GRIK3: variants seen among roughly 807,000 people sequenced by gnomAD.
GRIK3 encodes the protein glutamate ionotropic receptor kainate type subunit 3, also known as glutamate receptor ionotropic, kainate 3.
Under a neutral mutation model 102.5 loss-of-function variants are expected in GRIK3, and 29 were observed. That is an observed-to-expected ratio of 0.28 (90% CI 0.21 to 0.39). The LOEUF (loss-of-function observed/expected upper bound fraction) is 0.39. GRIK3 is among the 10% of genes least tolerant of loss of function. The pLI is 1.00. For synonymous variants in GRIK3, 511 were observed against 504.9 expected, an observed-to-expected ratio of 1.01 and a Z score of -0.16; for missense variants, 908 against 1,252.4, an observed-to-expected ratio of 0.73 and a Z score of 4.15.
At chr1:36,877,918 G>A (rs1640927539) in intron 3 of GRIK3, among the ~76,000 whole-genome samples, 1 of 152,186 alleles carries the variant, frequency 6.6e-6, no homozygotes, top group Non-Finnish European at 1.5e-5. Flanking sequence ...AATTATGTGT[G>A]ACCTCTGGGC....
chr1:36,900,852 T>C (rs537967112), intron 1 of GRIK3, among the ~76,000 whole-genome samples: 5 of 152,036 alleles, frequency 3.3e-5, no homozygotes, highest in African/African-American at 9.7e-5. Flanking sequence ...ATTGTTAGTA[T>C]CAGAAGTGAA....
Position 36,843,022 on chromosome 1 carries a change from T to C in GRIK3, c.1327-1083A>G, listed in dbSNP as rs1156882216. Among the ~76,000 whole-genome samples, 4 of 152,056 alleles carry C rather than the reference T, an allele frequency of 2.6e-5. No individual in the cohort carries two copies. The East Asian group carries it at 7.7e-4, about 29-fold the overall frequency. ...CCTCCACCTGCCACAGGCTTCTTTC[T>C]TTCTGGGTGATAGGGAGCCTGGGAC... On this transcript the variant is annotated intron_variant, in intron 9 of 15. Coordinates refer to ENST00000373091, the MANE Select transcript of GRIK3 (RefSeq NM_000831.4).
intron 11 of GRIK3, among the ~76,000 whole-genome samples, chr1:36,822,581 G>T (rs1266218121): frequency 6.6e-6 from 1 of 152,190 alleles, no homozygotes; most frequent in Admixed American, 6.5e-5. Context: ...CCAGTCTTGA[G>T]AGTAAATAGG....
chr1:36,903,690 A>G (rs1641255208), intron 1 of GRIK3, among the ~76,000 whole-genome samples: 1 of 152,250 alleles, frequency 6.6e-6, no homozygotes, highest in Non-Finnish European at 1.5e-5. Flanking sequence ...TTAAGTGCCT[A>G]TCACTAAGCG....
At chr1:36,988,422 G>A (rs1642328993) in intron 1 of GRIK3, among the ~76,000 whole-genome samples, 3 of 152,270 alleles carry the variant, frequency 2.0e-5, no homozygotes, top group Admixed American at 2.0e-4. Context: ...TGGGGCAGCA[G>A]GAAGAAGCAT....
intron 1 of GRIK3, among the ~76,000 whole-genome samples, chr1:36,949,142 C>T (rs1641815165): frequency 6.6e-6 from 1 of 152,238 alleles, no homozygotes; most frequent in African/African-American, 2.4e-5. Context: ...CAGGACCTGC[C>T]TGGCTCCACA....
At chr1:36,840,385 C>T (rs999623919) in intron 10 of GRIK3, among the ~76,000 whole-genome samples, 1 of 151,826 alleles carries the variant, frequency 6.6e-6, no homozygotes, top group African/African-American at 2.4e-5. Flanking sequence ...TTTAATTCCC[C>T]CAACAACCAC....
intron 1 of GRIK3, among the ~76,000 whole-genome samples, chr1:36,964,656 G>A (rs1272172011): frequency 6.6e-6 from 1 of 152,162 alleles, no homozygotes; most frequent in East Asian, 1.9e-4. Context: ...GAAGTGACTT[G>A]CCCAAGACCA....
At chr1:36,818,124 T>C (rs931962132) in intron 12 of GRIK3, among the ~76,000 whole-genome samples, 2 of 152,226 alleles carry the variant, frequency 1.3e-5, no homozygotes, top group South Asian at 2.1e-4. Context: ...TATGATGTTT[T>C]TTTTTCTCAA....
At chr1:37,013,824 T>C (rs1642624065) in intron 1 of GRIK3, among the ~76,000 whole-genome samples, 1 of 152,222 alleles carries the variant, frequency 6.6e-6, no homozygotes, top group Admixed American at 6.5e-5. Flanking sequence ...GGCTGGCCTG[T>C]GCCTCAGACC....
In GRIK3 at chr1:36,898,128, G is replaced by A. The variant is rs531089557; in HGVS notation, c.116-7032C>T. Among the ~76,000 whole-genome samples the A allele has an allele frequency of 1.5e-3, 229 of 152,196 alleles. 1 individual carries two copies. Among genetic ancestry groups the A allele is most frequent in the African/African-American group, 5.2e-3 (216 of 41,528 alleles). On this transcript the variant is annotated intron_variant, in intron 1 of 15. Transcript: ENST00000373091. ...AAGGATGGTAACCAGAGGCTGGGAA[G>A]GGTAGTGGTAGGCTGGGTGGGGGGA...
chr1:36,801,867 G>T lies in GRIK3; in HGVS notation c.2744C>A (p.Ala915Asp), dbSNP rs746973076. The T allele has an allele frequency of 1.1e-5, 18 of 1,608,538 alleles. No individual in the cohort carries two copies. The highest frequency in any genetic ancestry group is 2.2e-5 in the South Asian group (2 of 89,904). Residue 915 changes from alanine to aspartate, a missense_variant, in exon 16 of 16, where the codon GCC (alanine) becomes GAC (aspartate). Around this residue, in one of 3 missense-constraint regions of GRIK3, gnomAD observed 297 missense variants for 362.7 expected, o/e 0.82. Coordinates refer to ENST00000373091, the MANE Select transcript of GRIK3 (RefSeq NM_000831.4). ...KDSMACSTSL[A>D]PVFP ...CAGCTGTGCCTAGGGGAACACAGGG[G>T]CTAAGGATGTGCTGCAGGCCATGCT...
chr1:36,865,077 G>A (rs947974499), intron 5 of GRIK3, among the ~76,000 whole-genome samples: 3 of 152,180 alleles, frequency 2.0e-5, no homozygotes, highest in Non-Finnish European at 2.9e-5. Context: ...GGAAAACATC[G>A]CCTTAAGGAA....
chr1:36,853,366 T>G (rs1557703039), intron 8 of GRIK3, among the ~76,000 whole-genome samples: 1 of 152,162 alleles, frequency 6.6e-6, no homozygotes, highest in South Asian at 2.1e-4. Flanking sequence ...TGACCCTTAC[T>G]CACAGAGTGA....
chr1:36,897,840 A>G lies in GRIK3; in HGVS notation c.116-6744T>C, dbSNP rs183921886. 3.7e-4 allele frequency among the ~76,000 whole-genome samples: 57 copies of G among 152,316 alleles called. 1 individual carries two copies. The highest frequency in any genetic ancestry group is 1.5e-5 in the Non-Finnish European group (1 of 68,016). ...CAGTATATTGAATAGATATCTGCACACCTATGTTTGTTGCAGCACTGTTCA... is the reference window on the plus strand; with the variant it reads ...CAGTATATTGAATAGATATCTGCACGCCTATGTTTGTTGCAGCACTGTTCA... On this transcript the variant is annotated intron_variant, in intron 1 of 15. Coordinates refer to ENST00000373091, the MANE Select transcript of GRIK3 (RefSeq NM_000831.4).
chr1:36,910,930 C>G (rs139810594), intron 1 of GRIK3, among the ~76,000 whole-genome samples: 15 of 152,142 alleles, frequency 9.9e-5, no homozygotes, highest in Non-Finnish European at 4.4e-5. Flanking sequence ...AAGGTGAGAA[C>G]GCTCCATGTG....
At chr1:36,954,022 C>T (rs1641875241) in intron 1 of GRIK3, among the ~76,000 whole-genome samples, 1 of 152,170 alleles carries the variant, frequency 6.6e-6, no homozygotes, top group Non-Finnish European at 1.5e-5. Flanking sequence ...GAGCCAAGCT[C>T]TGATGATGGG....
chr1:37,014,153 C>T lies in GRIK3; in HGVS notation c.115+19841G>A, dbSNP rs554858029. Reference sequence around the variant, plus strand: ...CATAGCATGGCCTTCCAATTGTTTCCATGCATAACATCTGCTGTAATTAAG... The same window carrying T: ...CATAGCATGGCCTTCCAATTGTTTCTATGCATAACATCTGCTGTAATTAAG... On this transcript the variant is annotated intron_variant, in intron 1 of 15. Coordinates refer to ENST00000373091, the MANE Select transcript of GRIK3 (RefSeq NM_000831.4). Among the ~76,000 whole-genome samples the T allele has an allele frequency of 4.6e-5, 7 of 152,380 alleles. No individual in the cohort carries two copies. In the South Asian group the frequency reaches 6.2e-4, roughly 14 times the overall value.
In GRIK3 at chr1:36,942,244, C is replaced by T. The variant is rs777712140; in HGVS notation, c.116-51148G>A. Among the ~76,000 whole-genome samples, 5 of 152,136 alleles carry T rather than the reference C, an allele frequency of 3.3e-5. No homozygotes were observed. The East Asian group carries it at 5.8e-4, about 18-fold the overall frequency. On this transcript the variant is annotated intron_variant, in intron 1 of 15. Transcript: ENST00000373091. The stretch of plus-strand genomic sequence containing the variant: ...GTCTCTGTGCTGGTGATGATGCTGG[C>T]GCTGCCACCGCGGGGTGACTCACAT...
Sources: gnomAD v4.1 joint callset for allele counts (sites outside exome capture counted in the v4.1 genomes callset) on GRCh38, gnomAD v4.1.1 for gene constraint, gnomAD v4.1.1 regional missense constraint, MANE v1.5 for transcripts, NCBI Gene and HGNC (gene_info 2026-07-23, HGNC 2026-07-21) for gene names.